Variants in ADARB2 observed in about 807,000 individuals in gnomAD.
The protein encoded by ADARB2 is inactive double-stranded RNA-specific editase B2.
Under a neutral mutation model 62.2 loss-of-function variants are expected in ADARB2, and 25 were observed. The observed-to-expected ratio is 0.40, with a 90% CI of 0.29 to 0.56. ADARB2 has a LOEUF of 0.56. Among genes scored for constraint, ADARB2 ranks in the 20% least tolerant of loss-of-function variants. ADARB2 has a pLI of 0.43. For synonymous variants in ADARB2, 572 were observed against 500.8 expected (o/e 1.14, Z -1.90); for missense variants, 1,071 against 1,077.4 (o/e 0.99, Z 0.08).
intron 1 of ADARB2, among the ~76,000 whole-genome samples, chr10:1,538,855 C>A (rs1363348157): frequency 6.6e-6 from 1 of 152,228 alleles, no homozygotes; most frequent in Non-Finnish European, 1.5e-5. Context: ...TCAGTTCCAC[C>A]CCTAGAGGGA....
chr10:1,432,946 A>G (rs996469021), intron 1 of ADARB2, among the ~76,000 whole-genome samples: 1 of 152,106 alleles, frequency 6.6e-6, no homozygotes, highest in African/African-American at 2.4e-5. Flanking sequence ...ACGTGGTTCA[A>G]TGGATCCTCA....
chr10:1,511,848 T>C (rs1831940371), intron 1 of ADARB2, among the ~76,000 whole-genome samples: 1 of 151,950 alleles, frequency 6.6e-6, no homozygotes, highest in African/African-American at 2.4e-5. Flanking sequence ...ACATCGATGC[T>C]GTCTACATTA....
intron 1 of ADARB2, among the ~76,000 whole-genome samples, chr10:1,464,081 A>G (rs973556199): frequency 8.7e-5 from 13 of 150,138 alleles, no homozygotes; most frequent in African/African-American, 1.5e-4. Flanking sequence ...ACCGCCACAC[A>G]CATGCGCTGG....
chr10:1,588,138 G>A (rs1329317815), intron 1 of ADARB2, among the ~76,000 whole-genome samples: 2 of 152,260 alleles, frequency 1.3e-5, no homozygotes, highest in Middle Eastern at 3.4e-3. Context: ...CCTGGCTCAA[G>A]GCTCACTTCA....
intron 1 of ADARB2, among the ~76,000 whole-genome samples, chr10:1,490,159 C>T (rs1015181775): frequency 1.3e-5 from 2 of 152,200 alleles, no homozygotes; most frequent in Non-Finnish European, 1.5e-5. Context: ...AGAAGCAAGC[C>T]TAACGCCAGC....
At chr10:1,485,097 T>C (rs1831523826) in intron 1 of ADARB2, among the ~76,000 whole-genome samples, 1 of 152,102 alleles carries the variant, frequency 6.6e-6, no homozygotes, top group Non-Finnish European at 1.5e-5. Context: ...TATGTGCACT[T>C]ATAGGTAGGT....
chr10:1,276,766 T>C (rs1831321834), intron 3 of ADARB2, among the ~76,000 whole-genome samples: 1 of 152,152 alleles, frequency 6.6e-6, no homozygotes, highest in Non-Finnish European at 1.5e-5. Context: ...CTAATAGACA[T>C]CTACAGAACT....
At chr10:1,594,126 C>T (rs1044054438) in intron 1 of ADARB2, among the ~76,000 whole-genome samples, 1 of 152,056 alleles carries the variant, frequency 6.6e-6, no homozygotes, top group Non-Finnish European at 1.5e-5. Flanking sequence ...CCTGTCTCTA[C>T]TAAAAATACA....
chr10:1,556,031 TTGTC>T (rs1196048533), intron 1 of ADARB2, among the ~76,000 whole-genome samples: 2 of 152,218 alleles, frequency 1.3e-5, no homozygotes, highest in East Asian at 1.9e-4. Context: ...GTGTTTTTCT[TTGTC>T]TGTCTTTCAT....
intron 3 of ADARB2, among the ~76,000 whole-genome samples, chr10:1,316,203 G>C (rs1338948244): frequency 6.6e-6 from 1 of 152,238 alleles, no homozygotes; most frequent in Non-Finnish European, 1.5e-5. Context: ...TTTGAAGCGA[G>C]TTCATTTCCC....
chr10:1,576,203 G>A (rs1252524749), intron 1 of ADARB2, among the ~76,000 whole-genome samples: 2 of 150,188 alleles, frequency 1.3e-5, no homozygotes, highest in Admixed American at 6.6e-5. Flanking sequence ...GGTCACTGGA[G>A]GAGCTCAGGG....
intron 1 of ADARB2, among the ~76,000 whole-genome samples, chr10:1,397,896 C>T (rs1414638280): frequency 7.7e-6 from 1 of 129,604 alleles, no homozygotes; most frequent in African/African-American, 3.1e-5. Flanking sequence ...TCTCCCCTCC[C>T]GAGTGGAGGC....
chr10:1,423,057 C>T (rs770639730), intron 1 of ADARB2, among the ~76,000 whole-genome samples: 1 of 152,192 alleles, frequency 6.6e-6, no homozygotes, highest in Non-Finnish European at 1.5e-5. Context: ...TTGTGCATTT[C>T]TCCTGGAGCT....
intron 1 of ADARB2, among the ~76,000 whole-genome samples, chr10:1,556,227 C>A (rs1234221667): frequency 1.3e-5 from 2 of 151,316 alleles, no homozygotes; most frequent in Non-Finnish European, 2.9e-5. Flanking sequence ...ACCAAGAGCA[C>A]CTTCAAAGAA....
intron 3 of ADARB2, among the ~76,000 whole-genome samples, chr10:1,310,864 G>A (rs1439059637): frequency 6.6e-6 from 1 of 152,238 alleles, no homozygotes; most frequent in African/African-American, 2.4e-5. Context: ...TTAAAAATAA[G>A]TTGAGGTTAA....
intron 1 of ADARB2, among the ~76,000 whole-genome samples, chr10:1,521,577 T>C (rs1350520774): frequency 1.3e-5 from 2 of 152,234 alleles, no homozygotes; most frequent in Non-Finnish European, 2.9e-5. Flanking sequence ...TTAAGTCTGA[T>C]AAGAAACATT....
intron 3 of ADARB2, among the ~76,000 whole-genome samples, chr10:1,318,143 T>C (rs1831757616): frequency 1.3e-5 from 2 of 152,258 alleles, no homozygotes; most frequent in African/African-American, 4.8e-5. Context: ...GTAAAATCTA[T>C]GTCAGTTTCT....
chr10:1,392,884 C>A (rs1832582304), intron 1 of ADARB2, among the ~76,000 whole-genome samples: 1 of 152,180 alleles, frequency 6.6e-6, no homozygotes, highest in Admixed American at 6.5e-5. Flanking sequence ...ATGCTGAAGT[C>A]TAACCCCCCA....
intron 1 of ADARB2, among the ~76,000 whole-genome samples, chr10:1,517,411 T>C (rs1384309439): frequency 2.0e-5 from 3 of 152,174 alleles, no homozygotes; most frequent in Non-Finnish European, 4.4e-5. Context: ...TGGAAACTGG[T>C]ATTATCAGGA....
Sources: allele counts gnomAD v4.1 joint callset (sites outside exome capture counted in the v4.1 genomes callset), GRCh38; gene constraint gnomAD v4.1.1; transcripts MANE v1.5; gene names NCBI Gene and HGNC (gene_info 2026-07-23, HGNC 2026-07-21).